Variants in ZBTB38 observed in about 807,000 individuals in gnomAD.
ZBTB38 encodes the protein zinc finger and BTB domain-containing protein 38.
Under a neutral mutation model 76.8 loss-of-function variants are expected in ZBTB38, and 20 were observed. The ratio of observed to expected loss-of-function variants is 0.26; its 90% CI spans 0.18 to 0.38. The LOEUF (loss-of-function observed/expected upper bound fraction) is 0.38, where lower values mean the gene tolerates loss of function less well. Ranked by LOEUF, ZBTB38 falls within the 10% of genes least tolerant of loss-of-function variation. ZBTB38 has a pLI of 1.00. For synonymous variants in ZBTB38, 504 were observed against 544.2 expected, an observed-to-expected ratio of 0.93 and a Z score of 1.03; for missense variants, 1,082 against 1,482.3, an observed-to-expected ratio of 0.73 and a Z score of 4.43.
chr3:141,340,949 GGAAAGAAAGAAA>G (rs56095613), intron 1 of ZBTB38, among the ~76,000 whole-genome samples: 110 of 111,996 alleles, frequency 9.8e-4, no homozygotes, highest in Admixed American at 1.7e-3. Flanking sequence ...AAAGAAAGAA[GGAAAGAAAGAAA>G]GAAAGAAAGA....
intron 1 of ZBTB38, among the ~76,000 whole-genome samples, chr3:141,354,303 G>A (rs1943601347): frequency 6.6e-6 from 1 of 152,070 alleles, no homozygotes. Flanking sequence ...AAACCCAGCT[G>A]CCCAGTGTCT....
intron 1 of ZBTB38, among the ~76,000 whole-genome samples, chr3:141,326,832 G>A (rs1215315879): frequency 6.6e-6 from 1 of 152,124 alleles, no homozygotes; most frequent in African/African-American, 2.4e-5. Flanking sequence ...TGAGGGGGGT[G>A]GTGTCATTAT....
At chr3:141,425,980 CACACAGCA>C in intron 5 of ZBTB38, 2 of 384,592 alleles carry the variant, frequency 5.2e-6, no homozygotes, top group East Asian at 7.4e-5. Flanking sequence ...CGGTGCAGAG[CACACAGCA>C]CATATATGCT....
intron 4 of ZBTB38, among the ~76,000 whole-genome samples, chr3:141,401,604 G>A (rs943786151): frequency 8.1e-6 from 1 of 123,004 alleles, no homozygotes; most frequent in Non-Finnish European, 1.8e-5. Flanking sequence ...TTAAGCTGTG[G>A]CCTTGAATTT....
At chr3:141,367,922 T>G (rs1031712122), upstream of ZBTB38, among the ~76,000 whole-genome samples, 1 of 151,858 alleles carries the variant, frequency 6.6e-6, no homozygotes, top group Admixed American at 6.6e-5. Context: ...CTTTAAAGAG[T>G]GGTCATGTCT....
chr3:141,352,016 G>A (rs548912797), intron 1 of ZBTB38, among the ~76,000 whole-genome samples: 1 of 152,168 alleles, frequency 6.6e-6, no homozygotes, highest in East Asian at 1.9e-4. Flanking sequence ...TATTGACTGA[G>A]TACTTGAGAC....
At chr3:141,403,188 A>G (rs2149612878) in intron 4 of ZBTB38, 1 of 152,304 alleles carries the variant, frequency 6.6e-6, no homozygotes, top group Non-Finnish European at 1.5e-5. Flanking sequence ...GTTGGCCCTA[A>G]TTGAGTATCC....
At chr3:141,419,171 G>A (rs1335951960) in intron 5 of ZBTB38, among the ~76,000 whole-genome samples, 4 of 152,110 alleles carry the variant, frequency 2.6e-5, no homozygotes, top group African/African-American at 7.2e-5. Flanking sequence ...ATGGCAGCAG[G>A]AGAGAGAGAG....
intron 4 of ZBTB38, among the ~76,000 whole-genome samples, chr3:141,393,731 G>A (rs552254963): frequency 1.3e-5 from 2 of 152,102 alleles, no homozygotes; most frequent in Middle Eastern, 3.2e-3. Context: ...GCTCTGCTGC[G>A]CCATGGAGCT....
intron 1 of ZBTB38, among the ~76,000 whole-genome samples, chr3:141,369,635 T>C (rs1944253500): frequency 6.6e-6 from 1 of 152,198 alleles, no homozygotes; most frequent in Non-Finnish European, 1.5e-5. Context: ...CATCTAGTCT[T>C]CGTATAGCTG....
chr3:141,373,902 C>T (rs768961919), intron 2 of ZBTB38, among the ~76,000 whole-genome samples: 19 of 152,120 alleles, frequency 1.2e-4, no homozygotes, highest in East Asian at 3.9e-4. Context: ...GGCTGAGGTG[C>T]GCAGATTGCT....
intron 5 of ZBTB38, among the ~76,000 whole-genome samples, chr3:141,439,562 G>A (rs1158873877): frequency 6.6e-6 from 1 of 152,168 alleles, no homozygotes; most frequent in Non-Finnish European, 1.5e-5. Flanking sequence ...AGTGGTTGGG[G>A]CTTTGTATAT....
chr3:141,359,818 C>G (rs11924425), intron 1 of ZBTB38, among the ~76,000 whole-genome samples: 4,218 of 152,058 alleles, frequency 0.028, 74 homozygotes, highest in African/African-American at 0.038. Flanking sequence ...GTGGTTCCAG[C>G]TACTCAGGAG....
intron 1 of ZBTB38, among the ~76,000 whole-genome samples, chr3:141,351,038 G>GA (rs1943498689): frequency 2.0e-5 from 3 of 151,956 alleles, no homozygotes; most frequent in Non-Finnish European, 4.4e-5. Flanking sequence ...TTATTATTTT[G>GA]AAAAAAATTT....
At chr3:141,377,797 A>G (rs144171282) in intron 2 of ZBTB38, among the ~76,000 whole-genome samples, 202 of 152,320 alleles carry the variant, frequency 1.3e-3, no homozygotes, top group African/African-American at 4.6e-3. Flanking sequence ...TTTACATACA[A>G]TTCAAATGGA....
rs1413442518 is a variant in ZBTB38, at chr3:141,376,728, A to C, written c.-234-4697A>C. ...CTCACGAGACCTGGACCCCTGGGCCAGGAAAGCCCATGTGGTGGTGACAGC... is the reference window on the plus strand; with the variant it reads ...CTCACGAGACCTGGACCCCTGGGCCCGGAAAGCCCATGTGGTGGTGACAGC... On this transcript the variant is annotated intron_variant, in intron 2 of 5. Transcript: ENST00000321464. 2.6e-5 allele frequency among the ~76,000 whole-genome samples: 4 copies of C among 152,232 alleles called. No homozygotes were observed. In the East Asian group the frequency reaches 5.8e-4, roughly 22 times the overall value.
chr3:141,434,188 G>A, intron 5 of ZBTB38: 1 of 985,328 alleles, frequency 1.0e-6, no homozygotes, highest in South Asian at 4.7e-5. Flanking sequence ...AATTCCAGAG[G>A]AACAAGGCTA....
At position 141,446,000 on chromosome 3, in the gene ZBTB38, CA is replaced by C. The variant is rs747392164; in HGVS notation, c.*29del. 4.4e-5 allele frequency: 67 copies of C among 1,524,126 alleles called. No individual in the cohort carries two copies. In the African/African-American group the frequency reaches 8.5e-4, roughly 19 times the overall value. The allele number at this position is 1,524,126 out of a possible 1,614,324, so 94.4% of individuals were successfully genotyped here. A position where few individuals can be genotyped will look rare whatever the true frequency, so the allele number is the denominator to read the frequency against. On this transcript the variant is annotated 3_prime_UTR_variant, in exon 6 of 6. Transcript: ENST00000321464. This position sits in a 1 kb window ranked among gnomAD's most constrained non-coding sequence, Gnocchi z 6.5. ...GAGTGGCAAGAATTAGAAAAATCTT[CA>C]AAAATATAGTTGGTGGTTTTTTTAG...
intron 1 of ZBTB38, among the ~76,000 whole-genome samples, chr3:141,369,531 CAAGAG>C (rs966033064): frequency 2.6e-5 from 4 of 152,156 alleles, no homozygotes; most frequent in Non-Finnish European, 4.4e-5. Context: ...GTTAAGTTCC[CAAGAG>C]AAAAGTTTTG....
Sources: gnomAD v4.1 joint callset for allele counts (sites outside exome capture counted in the v4.1 genomes callset) on GRCh38, gnomAD v4.1.1 for gene constraint, Gnocchi (gnomAD v3.1) non-coding constraint, MANE v1.5 for transcripts, NCBI Gene and HGNC (gene_info 2026-07-23, HGNC 2026-07-21) for gene names.